The following ESRRG variants were observed in gnomAD, a reference collection of about 807,000 sequenced individuals.
The protein encoded by ESRRG is estrogen-related receptor gamma.
A neutral mutation model predicts 44.0 loss-of-function variants in ESRRG; 13 were observed. The ratio of observed to expected loss-of-function variants is 0.30; its 90% CI spans 0.19 to 0.47. The LOEUF (loss-of-function observed/expected upper bound fraction) is 0.47. Among genes scored for constraint, ESRRG ranks in the 20% least tolerant of loss-of-function variants. The pLI is 1.00. For missense variants in ESRRG, 395 were observed against 580.6 expected (o/e 0.68, Z 3.29); for synonymous variants, 215 against 214.6 (o/e 1.00, Z -0.02).
intron 3 of ESRRG, among the ~76,000 whole-genome samples, chr1:216,578,415 T>C (rs975794637): frequency 7.9e-5 from 12 of 152,066 alleles, no homozygotes; most frequent in Admixed American, 7.2e-4. Context: ...AATATAAAAC[T>C]AAGCAAGCTG....
intron 1 of ESRRG, among the ~76,000 whole-genome samples, chr1:217,131,201 C>A (rs77822327): frequency 1.3e-5 from 2 of 151,896 alleles, no homozygotes; most frequent in South Asian, 2.1e-4. Context: ...TGTTAAATAC[C>A]CAAGCTATGA....
intron 1 of ESRRG, among the ~76,000 whole-genome samples, chr1:216,707,063 T>C (rs891168404): frequency 6.6e-6 from 1 of 152,034 alleles, no homozygotes; most frequent in Admixed American, 6.6e-5. Context: ...AAGGGCAAGG[T>C]TTTCTTATAA....
intron 5 of ESRRG, among the ~76,000 whole-genome samples, chr1:216,523,237 A>G (rs2046612406): frequency 6.6e-6 from 1 of 152,156 alleles, no homozygotes; most frequent in African/African-American, 2.4e-5. Context: ...TATCTCAGGC[A>G]TTTTGCTTGC....
At chr1:216,630,497 G>A (rs11117637) in intron 3 of ESRRG, among the ~76,000 whole-genome samples, 29,875 of 151,532 alleles carry the variant, frequency 0.2, 3,753 homozygotes, top group Non-Finnish European at 0.29. Flanking sequence ...ATAGGAAAAG[G>A]CGTCTACCTC....
chr1:216,651,763 A>T lies in ESRRG; in HGVS notation c.473-674T>A, dbSNP rs115808757. On this transcript the variant is annotated intron_variant, in intron 2 of 6. Coordinates refer to ENST00000408911, the MANE Select transcript of ESRRG (RefSeq NM_001438.4). ...ACATAATTTGCATAATTAATTCCAA[A>T]CACTGAAGTTCCCTGATGTTAGAAC... is the stretch of plus-strand genomic sequence containing the variant. 3.2e-3 allele frequency among the ~76,000 whole-genome samples: 489 copies of T among 152,284 alleles called. 1 individual carries two copies. Among genetic ancestry groups the T allele is most frequent in the African/African-American group, 0.012 (478 of 41,554 alleles).
intron 1 of ESRRG, among the ~76,000 whole-genome samples, chr1:216,985,327 G>T (rs1031564530): frequency 6.6e-6 from 1 of 152,154 alleles, no homozygotes. Flanking sequence ...CCACCTCCAC[G>T]CACTGGAAGA....
intron 2 of ESRRG, among the ~76,000 whole-genome samples, chr1:216,813,245 A>T (rs2095032639): frequency 6.6e-6 from 1 of 152,152 alleles, no homozygotes; most frequent in African/African-American, 2.4e-5. Flanking sequence ...AACCTTGCCA[A>T]GCCTGGTTAG....
chr1:216,806,188 C>T (rs1194330237), intron 2 of ESRRG, among the ~76,000 whole-genome samples: 1 of 152,204 alleles, frequency 6.6e-6, no homozygotes, highest in African/African-American at 2.4e-5. Context: ...TTTGTCTTCT[C>T]CAAGTTCTGT....
intron 5 of ESRRG, among the ~76,000 whole-genome samples, chr1:216,523,125 C>G (rs1263862275): frequency 6.6e-6 from 1 of 152,110 alleles, no homozygotes; most frequent in Non-Finnish European, 1.5e-5. Context: ...TGCACTGATA[C>G]CATGGCACAT....
At chr1:216,586,826 C>T (rs530477510) in intron 3 of ESRRG, among the ~76,000 whole-genome samples, 291 of 152,190 alleles carry the variant, frequency 1.9e-3, no homozygotes, top group African/African-American at 6.9e-3. Context: ...ATCTGCCCAC[C>T]TCGGCCTCCC....
chr1:216,815,156 G>T (rs2095094507), intron 2 of ESRRG, among the ~76,000 whole-genome samples: 1 of 152,148 alleles, frequency 6.6e-6, no homozygotes. Flanking sequence ...TACAGCCTCA[G>T]TTTCTCCATA....
intron 2 of ESRRG, among the ~76,000 whole-genome samples, chr1:216,901,171 G>A (rs909853716): frequency 2.0e-5 from 3 of 151,982 alleles, no homozygotes; most frequent in Non-Finnish European, 2.9e-5. Flanking sequence ...GTGTGCATGG[G>A]GGGTGGGGGT....
At chr1:217,132,551 A>C (rs1479735604) in intron 1 of ESRRG, among the ~76,000 whole-genome samples, 5 of 152,194 alleles carry the variant, frequency 3.3e-5, no homozygotes, top group African/African-American at 1.2e-4. Flanking sequence ...CACGAAAAAC[A>C]CAATTTAGGA....
At chr1:216,810,702 A>ATGTG (rs35354364) in intron 2 of ESRRG, among the ~76,000 whole-genome samples, 21 of 145,412 alleles carry the variant, frequency 1.4e-4, no homozygotes, top group Middle Eastern at 7.1e-3. Context: ...ACAAAAATGG[A>ATGTG]TGTGTGTGTG....
At position 216,905,311 on chromosome 1, in the gene ESRRG, T is replaced by C. The variant is rs112400782; in HGVS notation, c.-14+34271A>G. 4.8e-3 allele frequency among the ~76,000 whole-genome samples: 725 copies of C among 152,192 alleles called. 4 individuals carry two copies. The highest frequency in any genetic ancestry group is 0.017 in the African/African-American group (696 of 41,514). On this transcript the variant is annotated intron_variant, in intron 2 of 7. Transcript: ENST00000359162. ...GCTCCAGTCATGTTGCCTTTTTTTT[T>C]TCCTGTTCTTTGAACCACCCCAGCT...
At chr1:217,061,585 C>A (rs563692917) in intron 1 of ESRRG, among the ~76,000 whole-genome samples, 2 of 152,070 alleles carry the variant, frequency 1.3e-5, no homozygotes, top group Non-Finnish European at 2.9e-5. Context: ...CAGTCCTCTT[C>A]CCCCAAAGGA....
chr1:216,732,515 T>C (rs1324899251), intron 2 of ESRRG, among the ~76,000 whole-genome samples: 1 of 151,996 alleles, frequency 6.6e-6, no homozygotes, highest in Non-Finnish European at 1.5e-5. Context: ...TAGCTGAGAC[T>C]ACAGGTGCCC....
At chr1:216,591,361 T>C (rs1287231654) in intron 3 of ESRRG, among the ~76,000 whole-genome samples, 1 of 152,162 alleles carries the variant, frequency 6.6e-6, no homozygotes. Context: ...AGAGAGAGCA[T>C]GGAAGCTCTG....
rs1304022702 is a variant in ESRRG at position 216,503,848 on chromosome 1, CAAAATT to C, written c.*3085_*3090del. ...TAAATAAGAACGAACCTAAAAGAAG[CAAAATT>C]AAAATTAAAATCATATGGCTAAAAC... On this transcript the variant is annotated 3_prime_UTR_variant, in exon 7 of 7. Transcript: ENST00000408911. 6.6e-6 allele frequency: 1 copy of C among 152,394 alleles called. No individual in the cohort carries two copies. The highest frequency in any genetic ancestry group is 1.5e-5 in the Non-Finnish European group (1 of 67,958). The allele number at this position is 152,394 out of a possible 1,614,324, so 9.4% of individuals were successfully genotyped here.
Sources: gnomAD v4.1 joint callset for allele counts (sites outside exome capture counted in the v4.1 genomes callset) on GRCh38, gnomAD v4.1.1 for gene constraint, MANE v1.5 for transcripts, NCBI Gene and HGNC (gene_info 2026-07-23, HGNC 2026-07-21) for gene names.